Variants in PLA2G4A observed in about 807,000 individuals in gnomAD.
PLA2G4A encodes the protein cytosolic phospholipase A2.
PLA2G4A carries 40 observed loss-of-function variants against 81.9 expected under a neutral mutation model. The ratio of observed to expected loss-of-function variants is 0.49; its 90% confidence interval spans 0.38 to 0.64. The LOEUF is 0.64. Ranked by LOEUF, PLA2G4A falls within the 30% of genes least tolerant of loss-of-function variation. PLA2G4A has a pLI of 0.00. For synonymous variants in PLA2G4A, 302 were observed against 296.9 expected, an observed-to-expected ratio of 1.02 and a Z score of -0.18; for missense variants, 715 against 905.1, an observed-to-expected ratio of 0.79 and a Z score of 2.69.
intron 7 of PLA2G4A, among the ~76,000 whole-genome samples, chr1:186,912,782 AC>A (rs1655004350): frequency 7.4e-5 from 9 of 120,930 alleles, no homozygotes; most frequent in African/African-American, 3.6e-4. Context: ...ATATATGTAT[AC>A]TTATATATAT....
At chr1:186,909,015 C>T (rs1174234361) in intron 6 of PLA2G4A, among the ~76,000 whole-genome samples, 1 of 140,544 alleles carries the variant, frequency 7.1e-6, no homozygotes, top group South Asian at 2.2e-4. Context: ...GCCCTGTCAC[C>T]CAGGCTGGAG....
At chr1:186,865,794 T>C (rs781331843) in intron 2 of PLA2G4A, among the ~76,000 whole-genome samples, 9 of 152,208 alleles carry the variant, frequency 5.9e-5, no homozygotes, top group Non-Finnish European at 8.8e-5. Flanking sequence ...TTTTTTTCAA[T>C]GCCAATCATA....
intron 15 of PLA2G4A, among the ~76,000 whole-genome samples, chr1:186,971,742 A>G (rs1166151877): frequency 1.3e-5 from 2 of 152,046 alleles, no homozygotes; most frequent in Non-Finnish European, 2.9e-5. Context: ...ATATTATACT[A>G]TCAATACTAA....
intron 17 of PLA2G4A, among the ~76,000 whole-genome samples, chr1:186,983,390 A>C (rs948621385): frequency 2.0e-5 from 3 of 152,168 alleles, no homozygotes; most frequent in African/African-American, 7.2e-5. Flanking sequence ...AACTGTGACC[A>C]CTGTGGCTTA....
At chr1:186,964,539 C>T (rs1385287107) in intron 14 of PLA2G4A, among the ~76,000 whole-genome samples, 1 of 152,124 alleles carries the variant, frequency 6.6e-6, no homozygotes, top group East Asian at 1.9e-4. Context: ...CTGGTAACTT[C>T]TGGATCCCAC....
chr1:186,870,675 T>C (rs1653229358), intron 3 of PLA2G4A, 159 bp downstream of exon 3: 1 of 1,417,498 alleles, frequency 7.1e-7, no homozygotes, highest in Admixed American at 1.9e-5. Flanking sequence ...TCTGATGCTA[T>C]CTGTCAGATT....
At chr1:186,842,095 G>T (rs1377846954) in intron 1 of PLA2G4A, among the ~76,000 whole-genome samples, 1 of 150,468 alleles carries the variant, frequency 6.6e-6, no homozygotes, top group East Asian at 2.0e-4. Flanking sequence ...CAAGCTGAAG[G>T]GCAGTGGCGT....
intron 1 of PLA2G4A, among the ~76,000 whole-genome samples, chr1:186,836,375 T>G (rs1651777610): frequency 6.6e-6 from 1 of 151,736 alleles, no homozygotes; most frequent in Non-Finnish European, 1.5e-5. Context: ...CAATCTAAGA[T>G]GTAATTTAAA....
chr1:186,849,621 A>G (rs1027880482), intron 1 of PLA2G4A, among the ~76,000 whole-genome samples: 1 of 152,094 alleles, frequency 6.6e-6, no homozygotes, highest in African/African-American at 2.4e-5. Context: ...TGCCTGGAAC[A>G]TTATAGTCTA....
intron 3 of PLA2G4A, among the ~76,000 whole-genome samples, chr1:186,888,421 G>T (rs1198714152): frequency 6.6e-6 from 1 of 151,882 alleles, no homozygotes; most frequent in Non-Finnish European, 1.5e-5. Context: ...CTTGCAGCTT[G>T]CTCCTTCTTG....
Position 186,946,705 on chromosome 1 carries a change from T to C in PLA2G4A, c.1102T>C (p.Phe368Leu), listed in dbSNP as rs757468267. Residue 368 changes from phenylalanine to leucine, a missense_variant, in exon 11 of 18, where the codon TTT becomes CTT. Coordinates refer to ENST00000367466, the MANE Select transcript of PLA2G4A (RefSeq NM_024420.3). ...KYGTFMAPDL[F>L]GSKFFMGTVV... is the part of the protein sequence containing the mutation. ...TGGTACTTTTATGGCTCCCGACTTA[T>C]TTGGAAGCAAATTTTTTATGGGAAC... 5 of 1,611,704 alleles carry C rather than the reference T, an allele frequency of 3.1e-6. No homozygotes were observed. In the African/African-American group the frequency reaches 5.3e-5, roughly 17 times the overall value.
chr1:186,887,739 T>C (rs1653985581), intron 3 of PLA2G4A, among the ~76,000 whole-genome samples: 1 of 152,198 alleles, frequency 6.6e-6, no homozygotes, highest in Non-Finnish European at 1.5e-5. Context: ...TAACTTTTTC[T>C]TTAATTCATT....
In PLA2G4A at chr1:186,856,426, G is replaced by A. The variant is rs1195041087; in HGVS notation, c.33+2039G>A. Among the ~76,000 whole-genome samples the A allele has an allele frequency of 4.9e-5, 7 of 142,732 alleles. No homozygotes were observed. The East Asian group carries it at 8.1e-4, about 17-fold the overall frequency. The allele number at this position is 142,732 out of a possible 152,430, so 93.6% of individuals were successfully genotyped here. A position where few individuals can be genotyped will look rare whatever the true frequency, so the allele number is the denominator to read the frequency against. ...TTTTTTTGAGATGGAGTCTCACTCTGTTGCCCAAGCTGGAATGCTGTAGTG... is the reference window on the plus strand; with the variant it reads ...TTTTTTTGAGATGGAGTCTCACTCTATTGCCCAAGCTGGAATGCTGTAGTG... On this transcript the variant is annotated intron_variant, in intron 2 of 17. Transcript: ENST00000367466.
chr1:186,861,580 T>C (rs1206756928), intron 2 of PLA2G4A, among the ~76,000 whole-genome samples: 1 of 152,178 alleles, frequency 6.6e-6, no homozygotes, highest in Non-Finnish European at 1.5e-5. Context: ...TGAGTGGAAT[T>C]CCCTCATTAC....
Position 186,988,938 on chromosome 1 carries a change from C to CAT in PLA2G4A, c.*438_*439dup, listed in dbSNP as rs894741186. On this transcript the variant is annotated 3_prime_UTR_variant, in exon 18 of 18. Coordinates refer to ENST00000367466, the MANE Select transcript of PLA2G4A (RefSeq NM_024420.3). ...ACAACACTATTTTTATTTATATATG[C>CAT]ATATATATACATACATGAAATAAAT... is the stretch of plus-strand genomic sequence containing the variant. 2 of 155,888 alleles carry CAT rather than the reference C, an allele frequency of 1.3e-5. No homozygotes were observed. The highest frequency in any genetic ancestry group is 2.4e-5 in the African/African-American group (1 of 41,270). 9.7% of individuals were successfully genotyped at this position (155,888 alleles called of 1,614,324 possible). A position where few individuals can be genotyped will look rare whatever the true frequency, so the allele number is the denominator to read the frequency against.
At chr1:186,861,473 A>C (rs766945754) in intron 2 of PLA2G4A, among the ~76,000 whole-genome samples, 3 of 151,950 alleles carry the variant, frequency 2.0e-5, no homozygotes, top group Non-Finnish European at 4.4e-5. Flanking sequence ...GTTCTTTCCT[A>C]CTTTTAGGAA....
At chr1:186,848,722 T>TACACACACAC (rs10651334) in intron 1 of PLA2G4A, among the ~76,000 whole-genome samples, 127 of 148,884 alleles carry the variant, frequency 8.5e-4, no homozygotes, top group African/African-American at 2.9e-3. Flanking sequence ...CTAGTGATTT[T>TACACACACAC]ACACACACAC....
chr1:186,960,220 A>G (rs1321937019), intron 14 of PLA2G4A, among the ~76,000 whole-genome samples: 1 of 152,160 alleles, frequency 6.6e-6, no homozygotes, highest in Non-Finnish European at 1.5e-5. Flanking sequence ...TTTTGTGTTT[A>G]TCCTACTTAC....
At chr1:186,978,981 T>G (rs1657627233) in intron 16 of PLA2G4A, among the ~76,000 whole-genome samples, 1 of 152,198 alleles carries the variant, frequency 6.6e-6, no homozygotes, top group Non-Finnish European at 1.5e-5. Context: ...GAATGGAGTA[T>G]TTAGATTCTA....
Sources: allele counts gnomAD v4.1 joint callset (sites outside exome capture counted in the v4.1 genomes callset), GRCh38; gene constraint gnomAD v4.1.1; transcripts MANE v1.5; gene names NCBI Gene and HGNC (gene_info 2026-07-23, HGNC 2026-07-21).